The following ESM1 variants were observed in gnomAD, a reference collection of about 807,000 sequenced individuals.
ESM1 encodes the protein endothelial cell specific molecule 1.
A neutral mutation model predicts 14.9 loss-of-function variants in ESM1; 7 were observed. The ratio of observed to expected loss-of-function variants is 0.47; its 90% CI spans 0.27 to 0.88. The LOEUF (loss-of-function observed/expected upper bound fraction) is 0.88. Among genes scored for constraint, ESM1 ranks in the 40% least tolerant of loss-of-function variants. The pLI, the probability that ESM1 is intolerant of heterozygous loss-of-function variation, is 0.14. For missense variants in ESM1, 192 were observed against 237.9 expected (o/e 0.81, Z 1.27); for synonymous variants, 89 against 89.4 (o/e 1.00, Z 0.02).
In ESM1 at chr5:54,982,079, G is replaced by A; in HGVS notation, c.369C>T (p.Asp123=). The A allele has an allele frequency of 6.2e-7, 1 of 1,614,134 alleles. No homozygotes were observed. Among genetic ancestry groups the A allele is most frequent in the Admixed American group, 1.7e-5 (1 of 60,030 alleles). Residue 123 remains aspartate, a synonymous_variant, in exon 2 of 3, where the codon GAC becomes GAT. Transcript: ENST00000381405. The stretch of plus-strand genomic sequence containing the variant: ...ATTTCAGGCATTTTCCCGTCCCCCT[G>A]TCACAGATGCCTGACTGGCAGTTGC... ...ETCNCQSGIC[D]RGTGKCLKFP... is the part of the protein sequence containing the mutation.
chr5:54,980,564 A>C (rs181123809), intron 2 of ESM1, among the ~76,000 whole-genome samples: 1 of 152,200 alleles, frequency 6.6e-6, no homozygotes, highest in Non-Finnish European at 1.5e-5. Context: ...CACACTAAAA[A>C]TCATCTTTTG....
In ESM1 at chr5:54,985,471, A is replaced by T; in HGVS notation, c.47T>A (p.Leu16Gln). ...LLTTLLVPAH[L>Q]VAAWSNNYAV... ...ATAATTATTGCTCCAGGCGGCCACCAGGTGTGCAGGCACGAGGAGCGTGGT... is the reference window on the plus strand; with the variant it reads ...ATAATTATTGCTCCAGGCGGCCACCTGGTGTGCAGGCACGAGGAGCGTGGT... The change falls in exon 1 of 3, where the codon CTG becomes CAG. Residue 16 changes from leucine to glutamine, a missense_variant. Transcript: ENST00000381405. 1 of 1,611,104 alleles carries T rather than the reference A, an allele frequency of 6.2e-7. No homozygotes were observed. The highest frequency in any genetic ancestry group is 8.5e-7 in the Non-Finnish European group (1 of 1,177,684).
chr5:54,984,405 C>G (rs1449335487), intron 1 of ESM1, among the ~76,000 whole-genome samples: 1 of 152,016 alleles, frequency 6.6e-6, no homozygotes. Context: ...TTATTCTAAA[C>G]ATTTTTAAAA....
rs770583597 is a variant in ESM1 at position 54,982,041 on chromosome 5, T to C, written c.407A>G (p.Gln136Arg). The change falls in exon 2 of 3, where the codon CAA becomes CGA. Residue 136 changes from glutamine (Q) to arginine (R), a missense_variant. Gln to Arg is a conservative substitution (Grantham distance 43, BLOSUM62 1). Coordinates refer to ENST00000381405, the MANE Select transcript of ESM1 (RefSeq NM_007036.5). ...GTTGGAAGACTTGGTTACTGAATAT[T>C]GGAAGAAGGGGAATTTCAGGCATTT... ...TGKCLKFPFF[Q>R]YSVTKSSNRF... The C allele has an allele frequency of 1.2e-6, 2 of 1,614,194 alleles. No individual in the cohort carries two copies. The highest frequency in any genetic ancestry group is 1.7e-6 in the Non-Finnish European group (2 of 1,180,020).
intron 1 of ESM1, among the ~76,000 whole-genome samples, 159 bp downstream of exon 1, chr5:54,985,058 C>G (rs1206853271): frequency 6.6e-6 from 1 of 152,184 alleles, no homozygotes; most frequent in Non-Finnish European, 1.5e-5. Context: ...TGGAGCTATC[C>G]TTCAGTCTCT....
rs1250078287 is a variant in ESM1, at chr5:54,985,567, G to A, written c.-50C>T. On this transcript the variant is annotated 5_prime_UTR_variant, in exon 1 of 3. Transcript: ENST00000381405. ...CTCTCCAGTCGTGGTCTTTGCTGGT[G>A]GGAAGCAGCCGTCCAAACTGGTAGC... 2.0e-6 allele frequency: 3 copies of A among 1,524,346 alleles called. No individual in the cohort carries two copies. The African/African-American group carries it at 4.1e-5, about 21-fold the overall frequency. The allele number at this position is 1,524,346 out of a possible 1,614,324, so 94.4% of individuals were successfully genotyped here.
intron 2 of ESM1, 101 bp from the exon 3 acceptor site, chr5:54,979,536 T>G: frequency 1.3e-6 from 1 of 769,602 alleles, no homozygotes; most frequent in Non-Finnish European, 2.2e-6. Flanking sequence ...CAATGAAATC[T>G]TTAATCAATT....
In ESM1 at chr5:54,982,713, C is replaced by T. The variant is rs762971764; in HGVS notation, c.302-567G>A. Among the ~76,000 whole-genome samples the T allele has an allele frequency of 3.3e-5, 5 of 152,122 alleles. No homozygotes were observed. In the East Asian group the frequency reaches 5.8e-4, roughly 18 times the overall value. ...TTATCAAGTTCCTTATTTGTCGAAACGGCATGTCATACAACTTGCCTGACT... is the reference window on the plus strand; with the variant it reads ...TTATCAAGTTCCTTATTTGTCGAAATGGCATGTCATACAACTTGCCTGACT... On this transcript the variant is annotated intron_variant, in intron 1 of 2. Coordinates refer to ENST00000381405, the MANE Select transcript of ESM1 (RefSeq NM_007036.5).
intron 1 of ESM1, 57 bp from the exon 2 acceptor site, chr5:54,982,203 C>T: frequency 6.3e-7 from 1 of 1,583,562 alleles, no homozygotes; most frequent in South Asian, 1.1e-5. Context: ...CGTCTCCATC[C>T]TAACAGCCCT....
At position 54,985,354 on chromosome 5, in the gene ESM1, C is replaced by T. The variant is rs1336331168; in HGVS notation, c.164G>A (p.Arg55Gln). The T allele has an allele frequency of 3.1e-6, 5 of 1,614,052 alleles. No individual in the cohort carries two copies. The African/African-American group carries it at 6.7e-5, about 22-fold the overall frequency. The change falls in exon 1 of 3, where the codon CGA (arginine) becomes CAA (glutamine). Residue 55 changes from arginine to glutamine, a missense_variant. Arg to Gln is a conservative substitution (Grantham distance 43). Coordinates refer to ENST00000381405, the MANE Select transcript of ESM1 (RefSeq NM_007036.5). ...RTVLDDCGCCRVCAAGRGETC... is the reference protein window; with the variant it reads ...RTVLDDCGCCQVCAAGRGETC... ...TTCTCCCCGCCCTGCAGCGCACACT[C>T]GGCAGCAGCCACAGTCGTCGAGCAC...
Position 54,985,551 on chromosome 5 carries a change from C to A in ESM1, c.-34G>T, listed in dbSNP as rs372175936. ...GCTGCCTCCGGCTCGGCTCTCCAGT[C>A]GTGGTCTTTGCTGGTGGGAAGCAGC... On this transcript the variant is annotated 5_prime_UTR_variant, in exon 1 of 3. Transcript: ENST00000381405. 1.3e-5 allele frequency: 20 copies of A among 1,556,844 alleles called. No individual in the cohort carries two copies. The highest frequency in any genetic ancestry group is 3.6e-5 in the South Asian group (3 of 82,434).
At chr5:54,981,175 T>C (rs1744044999) in intron 2 of ESM1, among the ~76,000 whole-genome samples, 1 of 152,190 alleles carries the variant, frequency 6.6e-6, no homozygotes, top group Non-Finnish European at 1.5e-5. Context: ...ATTTAAAATT[T>C]ATTATTTTAC....
rs898358772 is a variant in ESM1, at chr5:54,985,526, G to C, written c.-9C>G. On this transcript the variant is annotated 5_prime_UTR_variant, in exon 1 of 3. Coordinates refer to ENST00000381405, the MANE Select transcript of ESM1 (RefSeq NM_007036.5). ...AGCAAGACGCTCTTCATGTTTCCCA[G>C]CTGCCTCCGGCTCGGCTCTCCAGTC... The C allele has an allele frequency of 6.3e-7, 1 of 1,579,732 alleles. No homozygotes were observed. Among genetic ancestry groups the C allele is most frequent in the Non-Finnish European group, 8.6e-7 (1 of 1,158,470 alleles).
chr5:54,985,508 C>A lies in ESM1; in HGVS notation c.10G>T (p.Val4Phe). 3 of 1,593,974 alleles carry A rather than the reference C, an allele frequency of 1.9e-6. No homozygotes were observed. Among genetic ancestry groups the A allele is most frequent in the Non-Finnish European group, 2.6e-6 (3 of 1,165,134 alleles). Residue 4 changes from valine to phenylalanine, a missense_variant, in exon 1 of 3, where the codon GTC (valine) becomes TTC (phenylalanine). Physicochemically the swap from Val to Phe is conservative, Grantham distance 50. Transcript: ENST00000381405. ...ACGAGGAGCGTGGTCAGCAGCAAGACGCTCTTCATGTTTCCCAGCTGCCTC... is the reference window on the plus strand; with the variant it reads ...ACGAGGAGCGTGGTCAGCAGCAAGAAGCTCTTCATGTTTCCCAGCTGCCTC... MKS[V>F]LLLTTLLVPA...
At chr5:54,985,183 C>A (rs773139897) in intron 1 of ESM1, 34 bp downstream of exon 1, 1 of 1,554,248 alleles carries the variant, frequency 6.4e-7, no homozygotes, top group African/African-American at 1.4e-5. Context: ...CTCAGCATGC[C>A]CCGGGAGGGG....
Position 54,981,948 on chromosome 5 carries a change from A to G in ESM1, c.451+49T>C, listed in dbSNP as rs774011723. On this transcript the variant is annotated intron_variant, in intron 2 of 2. Coordinates refer to ENST00000381405, the MANE Select transcript of ESM1 (RefSeq NM_007036.5). ...CACAGATATTTTCTAAGTTATTCAC[A>G]CTGAAATGAGACTATTCTTCCAATG... 11 of 1,550,778 alleles carry G rather than the reference A, an allele frequency of 7.1e-6. No homozygotes were observed. The Admixed American group carries it at 1.2e-4, about 17-fold the overall frequency.
In ESM1 at chr5:54,985,266, C is replaced by G. The variant is rs566503445; in HGVS notation, c.252G>C (p.Gln84His). The G allele has an allele frequency of 1.9e-6, 3 of 1,614,016 alleles. No individual in the cohort carries two copies. The highest frequency in any genetic ancestry group is 2.5e-6 in the Non-Finnish European group (3 of 1,179,924). Reference sequence around the variant, plus strand: ...CAAAAGGATCCTCCCCATTAGAAGGCTGACACCTCAGCCCCGGGCCACACT... The same window carrying G: ...CAAAAGGATCCTCCCCATTAGAAGGGTGACACCTCAGCCCCGGGCCACACT... The part of the protein sequence containing the change: ...GMKCGPGLRC[Q>H]PSNGEDPFGE... The change falls in exon 1 of 3, where the codon CAG (glutamine) becomes CAC (histidine). Residue 84 changes from glutamine to histidine, a missense_variant. Gln to His is a conservative substitution (Grantham distance 24). Transcript: ENST00000381405.
rs763059470 is a variant in ESM1 at position 54,985,327 on chromosome 5, G to T, written c.191C>A (p.Thr64Asn). The T allele has an allele frequency of 1.9e-6, 3 of 1,614,188 alleles. No individual in the cohort carries two copies. Among genetic ancestry groups the T allele is most frequent in the Non-Finnish European group, 2.5e-6 (3 of 1,180,032 alleles). ...CRVCAAGRGETCYRTVSGMDG... is the reference protein window; with the variant it reads ...CRVCAAGRGENCYRTVSGMDG... ...CATGCCTGAGACTGTGCGGTAGCAAGTTTCTCCCCGCCCTGCAGCGCACAC... is the reference window on the plus strand; with the variant it reads ...CATGCCTGAGACTGTGCGGTAGCAATTTTCTCCCCGCCCTGCAGCGCACAC... The change falls in exon 1 of 3, where the codon ACT becomes AAT. Residue 64 changes from threonine to asparagine, a missense_variant. Coordinates refer to ENST00000381405, the MANE Select transcript of ESM1 (RefSeq NM_007036.5).
chr5:54,980,290 C>A (rs1744026320), intron 2 of ESM1, among the ~76,000 whole-genome samples: 2 of 152,178 alleles, frequency 1.3e-5, no homozygotes, highest in Admixed American at 1.3e-4. Flanking sequence ...AGCTCGTGCT[C>A]TGGGGGTCCT....
Sources: allele counts gnomAD v4.1 joint callset (sites outside exome capture counted in the v4.1 genomes callset), GRCh38; gene constraint gnomAD v4.1.1; transcripts MANE v1.5; gene names NCBI Gene and HGNC (gene_info 2026-07-23, HGNC 2026-07-21).